The following NBPF15 variants were observed in gnomAD, a reference collection of about 807,000 sequenced individuals.
NBPF15 encodes NBPF family member NBPF15.
A neutral mutation model predicts 62.2 loss-of-function variants in NBPF15; 74 were observed. The observed-to-expected ratio is 1.19, with a 90% CI of 0.99 to 1.44. The LOEUF (loss-of-function observed/expected upper bound fraction) is 1.44. NBPF15 is among the 40% of genes most tolerant of loss of function. NBPF15 has a pLI of 0.00. For synonymous variants in NBPF15, 244 were observed against 209.7 expected (o/e 1.16, Z -1.41); for missense variants, 790 against 550.0 (o/e 1.44, Z -4.36).
rs1677370644 is a variant in NBPF15 at position 144,435,291 on chromosome 1, C to T, written c.592G>A (p.Glu198Lys). Residue 198 changes from glutamate (E) to lysine (K), a missense_variant, in exon 12 of 22, where the codon GAA (glutamate) becomes AAA (lysine). Glu to Lys is a moderately conservative substitution (Grantham distance 56, BLOSUM62 1). Transcript: ENST00000581897. ...TCCTCCAGTGAGTCCTCAGGGACTT[C>T]CTTTTCTTCAGCCTTCTGCATCTCC... ...PREMQKAEEK[E>K]VPEDSLEECA... 6.2e-7 allele frequency: 1 copy of T among 1,611,218 alleles called. No homozygotes were observed. Among genetic ancestry groups the T allele is most frequent in the Non-Finnish European group, 8.5e-7 (1 of 1,179,184 alleles).
chr1:144,429,147 C>T (rs879023124), intron 14 of NBPF15, among the ~76,000 whole-genome samples: 3,481 of 151,594 alleles, frequency 0.023, 93 homozygotes, highest in Middle Eastern at 0.065. Context: ...AAAAGTCAGC[C>T]GTTTATCTAG....
chr1:144,426,845 A>C (rs1670102596), intron 17 of NBPF15, among the ~76,000 whole-genome samples: 2 of 148,664 alleles, frequency 1.3e-5, no homozygotes, highest in African/African-American at 2.5e-5. Context: ...AGGTATGGTC[A>C]ACCTATAGTA....
chr1:144,450,607 C>G (rs1690464632), intron 5 of NBPF15, among the ~76,000 whole-genome samples, 165 bp downstream of exon 5: 1 of 150,570 alleles, frequency 6.6e-6, no homozygotes, highest in Admixed American at 6.6e-5. Context: ...TGGTTTCAAA[C>G]CACTGGTTTG....
chr1:144,426,269 G>T lies in NBPF15; in HGVS notation c.1438+9C>A. 1.7e-6 allele frequency: 1 copy of T among 580,448 alleles called. No individual in the cohort carries two copies. Among genetic ancestry groups the T allele is most frequent in the Non-Finnish European group, 3.0e-6 (1 of 329,756 alleles). 36.0% of individuals were successfully genotyped at this position (580,448 alleles called of 1,614,324 possible). On this transcript the variant is annotated intron_variant, in intron 18 of 21. Transcript: ENST00000581897. ...TGGAGGCTTATCACCTTCACAGTAA[G>T]GTACTCACTGTCCACGTCAAGAGCC...
intron 19 of NBPF15, among the ~76,000 whole-genome samples, chr1:144,425,083 C>G (rs1329236361): frequency 2.1e-5 from 3 of 144,320 alleles, no homozygotes; most frequent in African/African-American, 5.4e-5. Flanking sequence ...CACACACACA[C>G]ACACACACAC....
chr1:144,440,258 G>C lies in NBPF15; in HGVS notation c.-153C>G, dbSNP rs2102225945. ...CTGTCAGTAGCGCAGACTCTGATAA[G>C]AGTGAGGTAGATTGTGGCCAGCGTG... On this transcript the variant is annotated 5_prime_UTR_variant, in exon 7 of 22. Coordinates refer to ENST00000581897, the MANE Select transcript of NBPF15 (RefSeq NM_001385408.1). 1.3e-6 allele frequency: 2 copies of C among 1,508,704 alleles called. No homozygotes were observed. The highest frequency in any genetic ancestry group is 8.9e-7 in the Non-Finnish European group (1 of 1,125,092). 93.5% of individuals were successfully genotyped at this position (1,508,704 alleles called of 1,614,324 possible).
At chr1:144,457,386 C>A (rs1338014753) in intron 3 of NBPF15, among the ~76,000 whole-genome samples, 1 of 151,878 alleles carries the variant, frequency 6.6e-6, no homozygotes, top group African/African-American at 2.4e-5. Context: ...GGTTATGCTA[C>A]AGTAACAAAA....
intron 9 of NBPF15, 84 bp from the exon 10 acceptor site, chr1:144,437,193 A>G (rs1679145043): frequency 2.3e-6 from 3 of 1,293,930 alleles, no homozygotes; most frequent in Non-Finnish European, 2.2e-6. Flanking sequence ...TTCTGAGACA[A>G]TGTCCTCAAG....
intron 17 of NBPF15, 50 bp from the exon 18 acceptor site, chr1:144,426,500 A>C (rs782031729): frequency 1.3e-6 from 1 of 791,860 alleles, no homozygotes; most frequent in South Asian, 1.3e-5. Flanking sequence ...ATCAGAAACC[A>C]CACAGCCCCA....
intron 4 of NBPF15, among the ~76,000 whole-genome samples, chr1:144,453,712 C>T (rs1249972927): frequency 7.5e-6 from 1 of 132,964 alleles, no homozygotes; most frequent in African/African-American, 2.8e-5. Flanking sequence ...GGCAAATAAG[C>T]ATATGAGAAA....
chr1:144,440,664 T>G (rs1317919975), intron 6 of NBPF15: 3 of 154,510 alleles, frequency 1.9e-5, no homozygotes, highest in Admixed American at 1.8e-4. Flanking sequence ...TTTTTTTTTT[T>G]TTGTTTGAGA....
At chr1:144,449,570 C>T (rs1357959429) in intron 5 of NBPF15, among the ~76,000 whole-genome samples, 3 of 151,838 alleles carry the variant, frequency 2.0e-5, no homozygotes. Context: ...CAATAGGAGC[C>T]ATACGCAAAA....
At chr1:144,436,472 C>A (rs1427771634) in intron 10 of NBPF15, among the ~76,000 whole-genome samples, 2 of 151,816 alleles carry the variant, frequency 1.3e-5, no homozygotes, top group South Asian at 2.1e-4. Context: ...TTGCAAGAGA[C>A]AATTTGTCTG....
At chr1:144,428,069 C>G (rs1381264958) in intron 15 of NBPF15, 79 bp from the exon 16 acceptor site, 10 of 779,892 alleles carry the variant, frequency 1.3e-5, no homozygotes, top group Non-Finnish European at 2.4e-5. Flanking sequence ...TCATGGCTAA[C>G]ATAAGGAAGA....
Position 144,448,234 on chromosome 1 carries a change from T to G in NBPF15, c.-191+541A>C, listed in dbSNP as rs868940576. ...GAGGAGGTACTGAATTACCTCCAAA[T>G]GTTCCTCTGGCTCTGATATTCTGTG... On this transcript the variant is annotated intron_variant, in intron 6 of 21. Transcript: ENST00000581897. Among the ~76,000 whole-genome samples the G allele has an allele frequency of 3.6e-4, 55 of 152,242 alleles. 3 individuals are homozygous for G. Among genetic ancestry groups the G allele is most frequent in the Middle Eastern group, 6.8e-3 (2 of 294 alleles).
intron 13 of NBPF15, among the ~76,000 whole-genome samples, chr1:144,431,408 G>A (rs1255659270): frequency 6.7e-6 from 1 of 150,032 alleles, no homozygotes; most frequent in East Asian, 1.9e-4. Flanking sequence ...GAAGAGAGTG[G>A]GAGCAATATT....
In NBPF15 at chr1:144,423,042, A is replaced by G. The variant is rs781849887; in HGVS notation, c.1984T>C (p.Phe662Leu). The G allele has an allele frequency of 4.3e-6, 7 of 1,611,652 alleles. No individual in the cohort carries two copies. The highest frequency in any genetic ancestry group is 8.5e-7 in the Non-Finnish European group (1 of 1,179,626). ...TGTGGGAATATGACTCCCATCTGGA[A>G]CACCAGGTGGAGACTTGTCACCGTC... Reference protein sequence around the residue: ...TLTVTSLHLVFQMGVIFPQ With the variant: ...TLTVTSLHLVLQMGVIFPQ The change falls in exon 22 of 22, where the codon TTC (phenylalanine) becomes CTC (leucine). Residue 662 changes from phenylalanine to leucine, a missense_variant. Phe to Leu is a conservative substitution (Grantham distance 22, BLOSUM62 0). Coordinates refer to ENST00000581897, the MANE Select transcript of NBPF15 (RefSeq NM_001385408.1).
At position 144,455,091 on chromosome 1, in the gene NBPF15, G is replaced by A. The variant is rs587682145; in HGVS notation, c.-432+1446C>T. On this transcript the variant is annotated intron_variant, in intron 4 of 21. Coordinates refer to ENST00000581897, the MANE Select transcript of NBPF15 (RefSeq NM_001385408.1). ...AAGAATGGAGGGAGGGAAGGAAGGA[G>A]GAAGGAAGGAAGGAAGGAAGGAAGG... 3.8e-4 allele frequency among the ~76,000 whole-genome samples: 50 copies of A among 131,008 alleles called. 1 individual carries two copies. In the South Asian group the frequency reaches 5.5e-3, roughly 14 times the overall value. 85.9% of individuals were successfully genotyped at this position (131,008 alleles called of 152,430 possible).
At chr1:144,439,654 A>G (rs1681371889) in intron 8 of NBPF15, among the ~76,000 whole-genome samples, 175 bp downstream of exon 8, 3 of 151,684 alleles carry the variant, frequency 2.0e-5, no homozygotes, top group East Asian at 1.9e-4. Flanking sequence ...GAAAGTTGCT[A>G]AATACTTTGG....
Sources: allele counts gnomAD v4.1 joint callset (sites outside exome capture counted in the v4.1 genomes callset), GRCh38; gene constraint gnomAD v4.1.1; transcripts MANE v1.5; gene names NCBI Gene and HGNC (gene_info 2026-07-23, HGNC 2026-07-21).